Variants in SLC25A21 observed in about 807,000 individuals in gnomAD.
SLC25A21 encodes the protein solute carrier family 25 member 21.
A neutral mutation model predicts 43.8 loss-of-function variants in SLC25A21; 47 were observed. That is an observed-to-expected ratio of 1.07 (90% confidence interval 0.85 to 1.37). SLC25A21 has a LOEUF of 1.37. Ranked by LOEUF, SLC25A21 falls within the 40% of genes most tolerant of loss-of-function variation. The pLI, the probability that SLC25A21 is intolerant of heterozygous loss-of-function variation, is 0.00. For synonymous variants in SLC25A21, 131 were observed against 121.3 expected, an observed-to-expected ratio of 1.08 and a Z score of -0.52; for missense variants, 352 against 350.2, an observed-to-expected ratio of 1.00 and a Z score of -0.04.
At chr14:36,762,246 T>C (rs758247989) in intron 3 of SLC25A21, among the ~76,000 whole-genome samples, 5 of 152,248 alleles carry the variant, frequency 3.3e-5, no homozygotes, top group Non-Finnish European at 7.3e-5. Context: ...TATCAGGCAC[T>C]GGGTTAGTTG....
intron 1 of SLC25A21, among the ~76,000 whole-genome samples, chr14:37,008,182 T>G (rs73256284): frequency 0.11 from 16,255 of 152,112 alleles, 2,898 homozygotes; most frequent in African/African-American, 0.37. Flanking sequence ...GAAAAAAGAT[T>G]GTACAGATTT....
At chr14:36,781,536 A>G (rs758755381) in intron 3 of SLC25A21, among the ~76,000 whole-genome samples, 2 of 152,194 alleles carry the variant, frequency 1.3e-5, no homozygotes, top group Non-Finnish European at 2.9e-5. Context: ...TATACAAAAC[A>G]TCTTATAGTT....
In SLC25A21 at chr14:36,933,128, T is replaced by C. The variant is rs76742653; in HGVS notation, c.71-58124A>G. ...AAATAAGGGCACACCCCTAGTTAGATCTAGGTAACAACTAAAATTAAAACT... is the reference window on the plus strand; with the variant it reads ...AAATAAGGGCACACCCCTAGTTAGACCTAGGTAACAACTAAAATTAAAACT... On this transcript the variant is annotated intron_variant, in intron 1 of 9. Coordinates refer to ENST00000331299, the MANE Select transcript of SLC25A21 (RefSeq NM_030631.4). Among the ~76,000 whole-genome samples the C allele has an allele frequency of 4.5e-3, 683 of 152,230 alleles. 4 individuals are homozygous for C. The highest frequency in any genetic ancestry group is 0.016 in the African/African-American group (644 of 41,540).
chr14:37,151,459 C>G lies in SLC25A21; in HGVS notation c.70+20822G>C, dbSNP rs138960880. Among the ~76,000 whole-genome samples the G allele has an allele frequency of 2.6e-3, 402 of 152,312 alleles. 1 individual carries two copies. The highest frequency in any genetic ancestry group is 9.2e-3 in the African/African-American group (381 of 41,582). The stretch of plus-strand genomic sequence containing the variant: ...TAAGCTATGGCTGGCATTTAAAAAT[C>G]TGCAAAAACAAGAAATGGACTTTTG... On this transcript the variant is annotated intron_variant, in intron 1 of 9. Transcript: ENST00000331299.
intron 1 of SLC25A21, among the ~76,000 whole-genome samples, chr14:36,919,622 C>CCTATCTAT (rs3061765): frequency 6.4e-3 from 396 of 61,508 alleles, no homozygotes; most frequent in Non-Finnish European, 9.4e-3. Flanking sequence ...TATCTATCTA[C>CCTATCTAT]CTATCTATCT....
At chr14:37,157,948 G>A (rs1441994776) in intron 1 of SLC25A21, among the ~76,000 whole-genome samples, 1 of 152,060 alleles carries the variant, frequency 6.6e-6, no homozygotes, top group Non-Finnish European at 1.5e-5. Flanking sequence ...ATCAGAGACT[G>A]TAAATAACTA....
At chr14:37,046,958 C>T (rs755649505) in intron 1 of SLC25A21, among the ~76,000 whole-genome samples, 1 of 152,144 alleles carries the variant, frequency 6.6e-6, no homozygotes, top group South Asian at 2.1e-4. Context: ...CAATGGCATC[C>T]GGAACATTTG....
At chr14:36,852,379 T>G (rs1329554217) in intron 2 of SLC25A21, among the ~76,000 whole-genome samples, 1 of 152,186 alleles carries the variant, frequency 6.6e-6, no homozygotes, top group African/African-American at 2.4e-5. Context: ...ACAGAACAAT[T>G]AGACACACCT....
At chr14:36,979,007 G>T (rs1402359371) in intron 1 of SLC25A21, among the ~76,000 whole-genome samples, 1 of 152,186 alleles carries the variant, frequency 6.6e-6, no homozygotes, top group African/African-American at 2.4e-5. Flanking sequence ...AGGATCACCT[G>T]GGCCCAGAAG....
intron 2 of SLC25A21, among the ~76,000 whole-genome samples, chr14:36,825,394 A>C (rs1188360317): frequency 6.6e-6 from 1 of 152,254 alleles, no homozygotes. Flanking sequence ...TGTTAAAAAT[A>C]ATTAAAAATC....
At chr14:36,733,039 A>AT (rs1205482765) in intron 4 of SLC25A21, among the ~76,000 whole-genome samples, 1 of 152,118 alleles carries the variant, frequency 6.6e-6, no homozygotes, top group Non-Finnish European at 1.5e-5. Context: ...AAGCTCAACT[A>AT]TTTTTTTCTG....
At chr14:36,897,735 T>C (rs1171514678) in intron 1 of SLC25A21, among the ~76,000 whole-genome samples, 4 of 152,204 alleles carry the variant, frequency 2.6e-5, no homozygotes, top group Admixed American at 6.5e-5. Flanking sequence ...TTTCTGTTTG[T>C]TAATTTTCCT....
intron 1 of SLC25A21, 180 bp downstream of exon 1, chr14:37,172,101 C>G (rs755768328): frequency 4.7e-6 from 3 of 634,520 alleles, no homozygotes; most frequent in Non-Finnish European, 8.0e-6. Flanking sequence ...CCACTACTCG[C>G]AATCAACTCC....
At chr14:36,998,976 C>T (rs1960430499) in intron 1 of SLC25A21, among the ~76,000 whole-genome samples, 1 of 152,108 alleles carries the variant, frequency 6.6e-6, no homozygotes, top group Non-Finnish European at 1.5e-5. Context: ...AATGGCATAG[C>T]CACTTTAGAA....
At chr14:37,008,297 G>T (rs556793899) in intron 1 of SLC25A21, among the ~76,000 whole-genome samples, 2 of 152,106 alleles carry the variant, frequency 1.3e-5, no homozygotes, top group African/African-American at 2.4e-5. Context: ...CACAACAAGC[G>T]TTCATTCTGA....
At chr14:37,002,741 A>T (rs1960515558) in intron 1 of SLC25A21, among the ~76,000 whole-genome samples, 1 of 152,232 alleles carries the variant, frequency 6.6e-6, no homozygotes, top group Non-Finnish European at 1.5e-5. Flanking sequence ...CTAGTGAATT[A>T]TCTTCCTGTG....
intron 1 of SLC25A21, among the ~76,000 whole-genome samples, chr14:36,990,918 T>C (rs530075841): frequency 2.6e-5 from 4 of 151,126 alleles, no homozygotes; most frequent in African/African-American, 7.3e-5. Flanking sequence ...AAAAAAAAAA[T>C]CAGTCATGTT....
intron 1 of SLC25A21, among the ~76,000 whole-genome samples, chr14:37,130,913 C>G (rs973816550): frequency 3.9e-5 from 6 of 152,150 alleles, no homozygotes; most frequent in African/African-American, 1.4e-4. Context: ...AATGGGCTAG[C>G]AGAATATGCT....
chr14:36,965,010 CTTTAAATTTTCTATTCCATGTTCAAT>C (rs1959580826), intron 1 of SLC25A21, among the ~76,000 whole-genome samples: 1 of 151,984 alleles, frequency 6.6e-6, no homozygotes, highest in Non-Finnish European at 1.5e-5. Context: ...CTGACTTTGC[CTTTAAATTTTCTATTCCATGTTCAAT>C]TTTAAAGGTT....
Sources: allele counts gnomAD v4.1 joint callset (sites outside exome capture counted in the v4.1 genomes callset), GRCh38; gene constraint gnomAD v4.1.1; transcripts MANE v1.5; gene names NCBI Gene and HGNC (gene_info 2026-07-23, HGNC 2026-07-21).